The following STARD9 variants were observed in gnomAD, a reference collection of about 807,000 sequenced individuals.
STARD9 encodes stAR-related lipid transfer protein 9.
Under a neutral mutation model 399.8 loss-of-function variants are expected in STARD9, and 346 were observed. The ratio of observed to expected loss-of-function variants is 0.87; its 90% CI spans 0.79 to 0.95. STARD9 has a LOEUF of 0.95. Among genes scored for constraint, STARD9 ranks in the 40% least tolerant of loss-of-function variants. The pLI is 0.00. For synonymous variants in STARD9, 2,203 were observed against 2,143.5 expected, an observed-to-expected ratio of 1.03 and a Z score of -0.77; for missense variants, 5,832 against 5,667.5, an observed-to-expected ratio of 1.03 and a Z score of -0.93.
intron 3 of STARD9, among the ~76,000 whole-genome samples, chr15:42,626,327 CTCTTCCTCT>C (rs1162453025): frequency 2.3e-4 from 33 of 143,422 alleles, no homozygotes; most frequent in African/African-American, 6.3e-4. Context: ...CTTCTTCCTC[CTCTTCCTCT>C]TCTTCCTCTT....
chr15:42,716,943 G>T lies in STARD9; in HGVS notation c.13389G>T (p.Leu4463=). Residue 4463 remains leucine, a synonymous_variant, in exon 28 of 33, where the codon CTG becomes CTT. Transcript: ENST00000290607. ...KNSAYSHRAS[L]GSCCCSPSSL... is the part of the protein sequence containing the mutation. Reference sequence around the variant, plus strand: ...TTCTTGTAGGCCACAGAGCCTCCCTGGGCAGTTGCTGCTGTTCACCATCCA... The same window carrying T: ...TTCTTGTAGGCCACAGAGCCTCCCTTGGCAGTTGCTGCTGTTCACCATCCA... 2.0e-6 allele frequency: 3 copies of T among 1,537,192 alleles called. No individual in the cohort carries two copies. The highest frequency in any genetic ancestry group is 8.7e-7 in the Non-Finnish European group (1 of 1,146,890).
In STARD9 at chr15:42,575,697, C is replaced by G. The variant is rs534146381; in HGVS notation, c.-19C>G. ...GCTGCCGCTGAGCTGACCCGCTGGA[C>G]TTGGGTTGTGGCAGACGGATGGCGA... On this transcript the variant is annotated 5_prime_UTR_variant, in exon 1 of 33. Transcript: ENST00000290607. 7.2e-6 allele frequency: 11 copies of G among 1,536,630 alleles called. No individual in the cohort carries two copies. Among genetic ancestry groups the G allele is most frequent in the Non-Finnish European group, 9.6e-6 (11 of 1,146,758 alleles).
intron 26 of STARD9, among the ~76,000 whole-genome samples, chr15:42,707,777 A>T (rs1469512458): frequency 6.6e-6 from 1 of 152,204 alleles, no homozygotes; most frequent in African/African-American, 2.4e-5. Context: ...TAAATACAAC[A>T]TACACAACAA....
Position 42,638,706 on chromosome 15 carries a change from A to G in STARD9, c.453A>G (p.Leu151=), listed in dbSNP as rs1287740657. The change falls in exon 7 of 33, where the codon CTA becomes CTG. Residue 151 remains leucine (L), a synonymous_variant. Coordinates refer to ENST00000290607, the MANE Select transcript of STARD9 (RefSeq NM_020759.3). The part of the protein sequence containing the change: ...PSSCRIKVSF[L]EIYNERVRDL... ...TTTTTCTACTTAACTCTAGTTTTCT[A>G]GAAATCTATAATGAACGGGTGCGGG... is the stretch of plus-strand genomic sequence containing the variant. The G allele has an allele frequency of 6.5e-7, 1 of 1,530,710 alleles. No homozygotes were observed. The highest frequency in any genetic ancestry group is 2.0e-5 in the Admixed American group (1 of 49,782). The allele number at this position is 1,530,710 out of a possible 1,614,324, so 94.8% of individuals were successfully genotyped here. A position where few individuals can be genotyped will look rare whatever the true frequency, so the allele number is the denominator to read the frequency against.
intron 17 of STARD9, 120 bp downstream of exon 17, chr15:42,674,611 C>A: frequency 8.3e-7 from 1 of 1,200,040 alleles, no homozygotes; most frequent in Non-Finnish European, 1.2e-6. Context: ...TCAGGGCCTG[C>A]TTCTCTTTCT....
At chr15:42,603,402 A>G (rs2058668379) in intron 3 of STARD9, among the ~76,000 whole-genome samples, 1 of 152,156 alleles carries the variant, frequency 6.6e-6, no homozygotes, top group Non-Finnish European at 1.5e-5. Flanking sequence ...GGCATGAGCC[A>G]CCATGCCAGC....
chr15:42,675,904 G>A lies in STARD9; in HGVS notation c.1803G>A (p.Leu601=). 6.5e-7 allele frequency: 1 copy of A among 1,537,204 alleles called. No homozygotes were observed. The highest frequency in any genetic ancestry group is 8.7e-7 in the Non-Finnish European group (1 of 1,146,894). ...AGGCTGCTGCTGGTCGTGGCTCGTT[G>A]GAGTGGCTGGATTTGGATGGAGATC... ...VGEAAAGRGS[L]EWLDLDGDLA... The change falls in exon 20 of 33, where the codon TTG becomes TTA. Residue 601 remains leucine (L), a synonymous_variant. Transcript: ENST00000290607.
rs1188609017 is a variant in STARD9 at position 42,693,757 on chromosome 15, G to A, written c.12179G>A (p.Gly4060Asp). Residue 4060 changes from glycine to aspartate, a missense_variant, in exon 23 of 33, where the codon GGT becomes GAT. Physicochemically the swap from Gly to Asp is moderately conservative, Grantham distance 94. Transcript: ENST00000290607. Reference sequence around the variant, plus strand: ...TGGCAGAGCAGGACAGAAAATGGAGGTGAGAGTTCAGCATCTCCAGGGGAA... The same window carrying A: ...TGGCAGAGCAGGACAGAAAATGGAGATGAGAGTTCAGCATCTCCAGGGGAA... ...SQWQSRTENGGESSASPGEPQ... is the reference protein window; with the variant it reads ...SQWQSRTENGDESSASPGEPQ... The A allele has an allele frequency of 2.6e-6, 4 of 1,536,604 alleles. No individual in the cohort carries two copies. The highest frequency in any genetic ancestry group is 1.7e-4 in the Middle Eastern group (1 of 5,990).
chr15:42,587,724 C>A (rs1309291733), intron 3 of STARD9, among the ~76,000 whole-genome samples: 1 of 152,158 alleles, frequency 6.6e-6, no homozygotes, highest in African/African-American at 2.4e-5. Context: ...TGCCACCACG[C>A]CTGGCTAATT....
intron 3 of STARD9, among the ~76,000 whole-genome samples, chr15:42,607,347 C>T (rs954758759): frequency 1.3e-5 from 2 of 151,602 alleles, no homozygotes; most frequent in African/African-American, 4.8e-5. Flanking sequence ...GGACTACAGG[C>T]ATGCACCACC....
chr15:42,710,101 C>T (rs866383667), intron 26 of STARD9, among the ~76,000 whole-genome samples: 1 of 149,028 alleles, frequency 6.7e-6, no homozygotes, highest in Non-Finnish European at 1.5e-5. Context: ...GCCGTGTTGC[C>T]CAGGCTAGAG....
At chr15:42,633,825 G>T (rs2059374272) in intron 3 of STARD9, among the ~76,000 whole-genome samples, 2 of 151,872 alleles carry the variant, frequency 1.3e-5, no homozygotes, top group Admixed American at 1.3e-4. Flanking sequence ...TGTATTTTTA[G>T]TAGAGACAGG....
chr15:42,687,491 G>A lies in STARD9; in HGVS notation c.5913G>A (p.Lys1971=), dbSNP rs929140839. ...CCCAGGGTGGTGGCCCAACCCCTAA[G>A]TGGGAAGGGAAAAATGAAACTGGGC... The part of the protein sequence containing the change: ...MVAQGGGPTP[K]WEGKNETGLL... Residue 1971 remains lysine, a synonymous_variant, in exon 23 of 33, where the codon AAG becomes AAA. Transcript: ENST00000290607. The A allele has an allele frequency of 3.6e-5, 56 of 1,537,020 alleles. No homozygotes were observed. The highest frequency in any genetic ancestry group is 4.4e-5 in the Non-Finnish European group (50 of 1,146,908).
intron 3 of STARD9, among the ~76,000 whole-genome samples, chr15:42,622,811 A>G (rs1164089772): frequency 6.6e-6 from 1 of 152,226 alleles, no homozygotes; most frequent in Non-Finnish European, 1.5e-5. Context: ...AAGGATTGAA[A>G]TGAAAAGGAT....
chr15:42,696,822 C>T (rs1194668941), intron 26 of STARD9, among the ~76,000 whole-genome samples: 3 of 151,820 alleles, frequency 2.0e-5, no homozygotes, highest in East Asian at 1.9e-4. Flanking sequence ...AGCTGAAAGG[C>T]GGTCATGTGA....
chr15:42,592,467 CAG>C (rs2058418046), intron 3 of STARD9, among the ~76,000 whole-genome samples: 1 of 151,618 alleles, frequency 6.6e-6, no homozygotes, highest in Non-Finnish European at 1.5e-5. Context: ...TTTTTTGAGA[CAG>C]AGTCTCACTC....
At chr15:42,591,537 C>T (rs1057464100) in intron 3 of STARD9, among the ~76,000 whole-genome samples, 1 of 151,976 alleles carries the variant, frequency 6.6e-6, no homozygotes, top group Admixed American at 6.6e-5. Context: ...TAGGCCAACC[C>T]TCATATGTTA....
At chr15:42,701,157 C>G (rs77922743) in intron 26 of STARD9, among the ~76,000 whole-genome samples, 6,918 of 152,160 alleles carry the variant, frequency 0.045, 479 homozygotes, top group African/African-American at 0.15. Context: ...ATTACTATAG[C>G]TTGGTAGTAT....
intron 26 of STARD9, among the ~76,000 whole-genome samples, chr15:42,708,793 C>T (rs994073862): frequency 6.6e-6 from 1 of 151,606 alleles, no homozygotes; most frequent in Non-Finnish European, 1.5e-5. Context: ...ACAAAAGGAT[C>T]GTGTCTGTGG....
Sources: gnomAD v4.1 joint callset for allele counts (sites outside exome capture counted in the v4.1 genomes callset) on GRCh38, gnomAD v4.1.1 for gene constraint, MANE v1.5 for transcripts, NCBI Gene and HGNC (gene_info 2026-07-23, HGNC 2026-07-21) for gene names.